BCAR3: variants seen among roughly 807,000 people sequenced by gnomAD.
BCAR3 encodes the protein BCAR3 adaptor protein, NSP family member, also known as breast cancer anti-estrogen resistance protein 3.
In BCAR3, 37 loss-of-function variants were observed where a neutral mutation model predicts 80.1. That is an observed-to-expected ratio of 0.46 (90% CI 0.36 to 0.61). BCAR3 has a LOEUF of 0.61. BCAR3 is among the 20% of genes least tolerant of loss of function. The pLI is 0.00. For missense variants in BCAR3, 978 were observed against 1,068.2 expected (o/e 0.92, Z 1.18); for synonymous variants, 389 against 418.9 (o/e 0.93, Z 0.87).
intron 11 of BCAR3, among the ~76,000 whole-genome samples, chr1:93,562,708 TTG>T (rs1367339365): frequency 6.8e-6 from 1 of 146,768 alleles, no homozygotes; most frequent in Non-Finnish European, 1.5e-5. Context: ...GAGGTGGAGC[TTG>T]CAGTGAGCGA....
intron 2 of BCAR3, among the ~76,000 whole-genome samples, chr1:93,748,090 C>A (rs2100704502): frequency 6.6e-6 from 1 of 152,292 alleles, no homozygotes; most frequent in East Asian, 1.9e-4. Flanking sequence ...CTCCTTTCTT[C>A]CTCATTTCCT....
chr1:93,597,883 C>T (rs1046870821), intron 3 of BCAR3, among the ~76,000 whole-genome samples: 1 of 152,158 alleles, frequency 6.6e-6, no homozygotes, highest in Non-Finnish European at 1.5e-5. Context: ...CTCGGTTACA[C>T]GGAGGGGACT....
chr1:93,832,930 C>T (rs1365765359), intron 2 of BCAR3, among the ~76,000 whole-genome samples: 2 of 152,098 alleles, frequency 1.3e-5, no homozygotes, highest in African/African-American at 4.8e-5. Flanking sequence ...CTCCTTGTAT[C>T]TCCCCACCTT....
intron 8 of BCAR3, among the ~76,000 whole-genome samples, chr1:93,573,615 A>ATTTGTTTTTTTTTTTTTTTTTT (rs919862286): frequency 7.7e-6 from 1 of 129,794 alleles, no homozygotes. Flanking sequence ...TATTTTTATT[A>ATTTGTTTTTTTTTTTTTTTTTT]TTATTATTAT....
At chr1:93,819,792 G>A (rs780910256) in intron 2 of BCAR3, among the ~76,000 whole-genome samples, 4 of 151,878 alleles carry the variant, frequency 2.6e-5, no homozygotes, top group African/African-American at 4.8e-5. Context: ...TAGGTTCAGG[G>A]GTACAAATGC....
At chr1:93,750,396 G>A (rs930384206) in intron 2 of BCAR3, among the ~76,000 whole-genome samples, 2 of 152,232 alleles carry the variant, frequency 1.3e-5, no homozygotes, top group African/African-American at 4.8e-5. Context: ...GGCACTGTGA[G>A]GATCAAGTGA....
intron 3 of BCAR3, among the ~76,000 whole-genome samples, chr1:93,632,863 T>A (rs1043375720): frequency 6.6e-6 from 1 of 151,898 alleles, no homozygotes; most frequent in African/African-American, 2.4e-5. Context: ...AATAAAAATA[T>A]AAAAAATTAG....
chr1:93,630,204 T>G (rs1172642002), intron 3 of BCAR3, among the ~76,000 whole-genome samples: 1 of 152,192 alleles, frequency 6.6e-6, no homozygotes, highest in Non-Finnish European at 1.5e-5. Flanking sequence ...ACCTACTCTG[T>G]ACTCACAAAA....
chr1:93,691,149 G>A (rs1649172012), intron 3 of BCAR3, among the ~76,000 whole-genome samples: 1 of 152,204 alleles, frequency 6.6e-6, no homozygotes, highest in Non-Finnish European at 1.5e-5. Flanking sequence ...GACTGAAGGT[G>A]AGACATTCTA....
chr1:93,724,540 C>A (rs1485878811), intron 2 of BCAR3, among the ~76,000 whole-genome samples: 1 of 152,220 alleles, frequency 6.6e-6, no homozygotes, highest in Non-Finnish European at 1.5e-5. Context: ...AAGGATCACA[C>A]TGCAGAAAAT....
chr1:93,771,045 C>T (rs1343476263), intron 2 of BCAR3, among the ~76,000 whole-genome samples: 1 of 152,174 alleles, frequency 6.6e-6, no homozygotes, highest in Admixed American at 6.5e-5. Context: ...CAATCCAGTC[C>T]TTATCCAGTA....
chr1:93,692,468 C>G (rs1649228954), intron 3 of BCAR3, among the ~76,000 whole-genome samples: 1 of 152,190 alleles, frequency 6.6e-6, no homozygotes, highest in Admixed American at 6.5e-5. Context: ...ACCAAAGGTT[C>G]TGATGGGGGA....
chr1:93,576,183 C>T, intron 7 of BCAR3, 54 bp from the exon 8 acceptor site: 1 of 1,373,574 alleles, frequency 7.3e-7, no homozygotes, highest in Non-Finnish European at 1.0e-6. Flanking sequence ...CTTGCCTGAT[C>T]ATGAATTCAG....
At chr1:93,591,798 A>G (rs1674210266) in intron 4 of BCAR3, among the ~76,000 whole-genome samples, 1 of 152,164 alleles carries the variant, frequency 6.6e-6, no homozygotes, top group African/African-American at 2.4e-5. Flanking sequence ...GAGAGTGTGA[A>G]TAACTGCCAG....
chr1:93,797,068 C>A (rs541203326), intron 2 of BCAR3, among the ~76,000 whole-genome samples: 1 of 152,248 alleles, frequency 6.6e-6, no homozygotes, highest in South Asian at 2.1e-4. Context: ...TAAATGTATA[C>A]CTTGTGCTTC....
chr1:93,625,921 C>T (rs1211992382), intron 3 of BCAR3, among the ~76,000 whole-genome samples: 1 of 152,184 alleles, frequency 6.6e-6, no homozygotes, highest in Non-Finnish European at 1.5e-5. Flanking sequence ...ATCCCTGCAA[C>T]AAATTTCTCC....
chr1:93,582,542 T>C lies in BCAR3; in HGVS notation c.1445A>G (p.Asp482Gly). 1.2e-6 allele frequency: 2 copies of C among 1,613,550 alleles called. No homozygotes were observed. The highest frequency in any genetic ancestry group is 4.5e-5 in the East Asian group (2 of 44,840). ...GVNYLILDDD[D>G]RERPWEPAAA... is the part of the protein sequence containing the mutation. The stretch of plus-strand genomic sequence containing the variant: ...CGCAGGTTCCCAAGGTCTTTCCCTG[T>C]CATCATCATCAAGGATCAAGTAGTT... The change falls in exon 7 of 12, where the codon GAC (aspartate) becomes GGC (glycine). Residue 482 changes from aspartate to glycine, a missense_variant. By Grantham distance (94) the Asp-to-Gly change is moderately conservative. Transcript: ENST00000260502.
intron 3 of BCAR3, among the ~76,000 whole-genome samples, chr1:93,635,061 C>G (rs1675737488): frequency 6.6e-6 from 1 of 151,974 alleles, no homozygotes; most frequent in South Asian, 2.1e-4. Context: ...CCCATCTCTA[C>G]AAAAAATAAA....
intron 7 of BCAR3, among the ~76,000 whole-genome samples, chr1:93,578,199 A>T (rs1217622086): frequency 6.6e-6 from 1 of 151,942 alleles, no homozygotes; most frequent in Non-Finnish European, 1.5e-5. Context: ...TGCTGCACGG[A>T]CCCAGGAGAG....
Sources: allele counts gnomAD v4.1 joint callset (sites outside exome capture counted in the v4.1 genomes callset), GRCh38; gene constraint gnomAD v4.1.1; transcripts MANE v1.5; gene names NCBI Gene and HGNC (gene_info 2026-07-23, HGNC 2026-07-21).